ATP2A1: variants seen among roughly 807,000 people sequenced by gnomAD.
The protein encoded by ATP2A1 is ATPase sarcoplasmic/endoplasmic reticulum Ca2+ transporting 1, also known as sarcoplasmic/endoplasmic reticulum calcium ATPase 1.
In ATP2A1, 83 loss-of-function variants were observed where a neutral mutation model predicts 109.5. The observed-to-expected ratio is 0.76, with a 90% CI of 0.63 to 0.91. ATP2A1 has a LOEUF of 0.91. Among genes scored for constraint, ATP2A1 ranks in the 40% least tolerant of loss-of-function variants. The probability of loss-of-function intolerance (pLI) is 0.00; values close to 1 mark genes in which losing one functional copy is unlikely to be tolerated. For synonymous variants in ATP2A1, 505 were observed against 537.6 expected (o/e 0.94, Z 0.84); for missense variants, 1,101 against 1,341.0 (o/e 0.82, Z 2.80).
At chr16:28,878,887 T>G in intron 1 of ATP2A1, 98 bp downstream of exon 1, 1 of 1,425,568 alleles carries the variant, frequency 7.0e-7, no homozygotes, top group Non-Finnish European at 9.9e-7. Flanking sequence ...CAGGGTTTCT[T>G]AAGGAAGAGC....
chr16:28,890,898 C>T (rs928387171), intron 9 of ATP2A1, among the ~76,000 whole-genome samples: 1 of 151,928 alleles, frequency 6.6e-6, no homozygotes, highest in Non-Finnish European at 1.5e-5. Context: ...GTTGACCAGG[C>T]TGGTCTCTTA....
At chr16:28,899,649 C>T (rs1477721398) in intron 14 of ATP2A1, among the ~76,000 whole-genome samples, 9 of 85,616 alleles carry the variant, frequency 1.1e-4, no homozygotes, top group Non-Finnish European at 1.8e-4. Context: ...CTGCGCCCGC[C>T]CCCCCCCCCC....
chr16:28,878,721 G>T lies in ATP2A1; in HGVS notation c.50G>T (p.Gly17Val). 2 of 1,612,548 alleles carry T rather than the reference G, an allele frequency of 1.2e-6. No individual in the cohort carries two copies. Among genetic ancestry groups the T allele is most frequent in the East Asian group, 4.5e-5 (2 of 44,880 alleles). Residue 17 changes from glycine to valine, a missense_variant, in exon 1 of 23, where the codon GGG becomes GTG. Gly to Val is a moderately radical substitution (Grantham distance 109). Coordinates refer to ENST00000395503, the MANE Select transcript of ATP2A1 (RefSeq NM_004320.6). Reference sequence around the variant, plus strand: ...ACGGAGGAATGTTTGGCCTATTTTGGGGTGAGTGAGACCACGGGCCTCACC... The same window carrying T: ...ACGGAGGAATGTTTGGCCTATTTTGTGGTGAGTGAGACCACGGGCCTCACC... ...KTTEECLAYF[G>V]VSETTGLTPD...
intron 7 of ATP2A1, 24 bp downstream of exon 7, chr16:28,887,298 C>T (rs756872017): frequency 3.7e-6 from 6 of 1,613,792 alleles, no homozygotes; most frequent in Non-Finnish European, 4.2e-6. Flanking sequence ...GACCAGCCAT[C>T]ACACACTCAG....
rs2152209789 is a variant in ATP2A1 at position 28,895,025 on chromosome 16, C to T, written c.1419+72C>T. On this transcript the variant is annotated intron_variant, in intron 12 of 22. Transcript: ENST00000395503. ...GCATAGACTAGAGGAAGGCAGAGGCCCTGGTTGGGCAGAGCCTAGTGCCTG... is the reference window on the plus strand; with the variant it reads ...GCATAGACTAGAGGAAGGCAGAGGCTCTGGTTGGGCAGAGCCTAGTGCCTG... 3 of 1,595,872 alleles carry T rather than the reference C, an allele frequency of 1.9e-6. No individual in the cohort carries two copies. In the South Asian group the frequency reaches 3.3e-5, roughly 18 times the overall value.
In ATP2A1 at chr16:28,903,895, C is replaced by A; in HGVS notation, c.*37+154C>A. The stretch of plus-strand genomic sequence containing the variant: ...TGCTGCGCTTCCAGTCAGGGTGGGC[C>A]GCTGGCCTCCCACTGGGCGTCAGTT... On this transcript the variant is annotated intron_variant, in intron 22 of 22. Transcript: ENST00000395503. The surrounding 1 kb of genome is among the most constrained non-coding windows in gnomAD (Gnocchi z 5.6). 1 of 848,030 alleles carries A rather than the reference C, an allele frequency of 1.2e-6. No homozygotes were observed. The highest frequency in any genetic ancestry group is 2.0e-6 in the Non-Finnish European group (1 of 509,618). The allele number at this position is 848,030 out of a possible 1,614,324, so 52.5% of individuals were successfully genotyped here. A position where few individuals can be genotyped will look rare whatever the true frequency, so the allele number is the denominator to read the frequency against.
At position 28,902,863 on chromosome 16, in the gene ATP2A1, T is replaced by C; in HGVS notation, c.2696T>C (p.Met899Thr). The C allele has an allele frequency of 6.2e-7, 1 of 1,613,956 alleles. No individual in the cohort carries two copies. Among genetic ancestry groups the C allele is most frequent in the Non-Finnish European group, 8.5e-7 (1 of 1,179,948 alleles). Residue 899 changes from methionine to threonine, a missense_variant, in exon 19 of 23, where the codon ATG (methionine) becomes ACG (threonine). Met to Thr is a moderately conservative substitution (Grantham distance 81). Transcript: ENST00000395503. This position sits in a 1 kb window ranked among gnomAD's most constrained non-coding sequence, Gnocchi z 4.8. ...TTCGAGGCCCCCGAGCCCATGACCA[T>C]GGCCCTGTCCGTGCTGGTGACCATC... is the stretch of plus-strand genomic sequence containing the variant. Reference protein sequence around the residue: ...EVFEAPEPMTMALSVLVTIEM... With the variant: ...EVFEAPEPMTTALSVLVTIEM...
chr16:28,878,912 A>G (rs746917710), intron 1 of ATP2A1, 123 bp downstream of exon 1: 81 of 1,346,222 alleles, frequency 6.0e-5, no homozygotes, highest in Middle Eastern at 3.6e-4. Flanking sequence ...CCGTTGTCCA[A>G]TGCTCGCAGG....
In ATP2A1 at chr16:28,903,339, G is replaced by C. The variant is rs771772555; in HGVS notation, c.2879G>C (p.Arg960Pro). Residue 960 changes from arginine to proline, a missense_variant, in exon 21 of 23, where the codon CGG becomes CCG. Physicochemically the swap from Arg to Pro is moderately radical, Grantham distance 103. Transcript: ENST00000395503. This position sits in a 1 kb window ranked among gnomAD's most constrained non-coding sequence, Gnocchi z 5.6. ...CTGCCCCAGATGATCTTCAAGCTCC[G>C]GGCCCTGGACCTCACCCAGTGGCTC... The part of the protein sequence containing the change: ...VDPLPMIFKL[R>P]ALDLTQWLMV... The C allele has an allele frequency of 1.2e-6, 2 of 1,613,336 alleles. No individual in the cohort carries two copies. Among genetic ancestry groups the C allele is most frequent in the Admixed American group, 1.7e-5 (1 of 59,978 alleles).
intron 5 of ATP2A1, among the ~76,000 whole-genome samples, chr16:28,884,017 G>T (rs919286086): frequency 4.6e-5 from 7 of 151,878 alleles, no homozygotes; most frequent in African/African-American, 1.7e-4. Flanking sequence ...GGTTGCCCTC[G>T]ATTTTCTCAA....
intron 9 of ATP2A1, among the ~76,000 whole-genome samples, chr16:28,891,547 G>GCA (rs1963773643): frequency 7.1e-6 from 1 of 141,810 alleles, no homozygotes; most frequent in African/African-American, 2.7e-5. Context: ...CTGAGATCGT[G>GCA]CCATTGCACT....
Position 28,902,217 on chromosome 16 carries a change from G to C in ATP2A1, c.2355G>C (p.Glu785Asp), listed in dbSNP as rs1964096580. Reference sequence around the variant, plus strand: ...TGACCGCTGCCCTGGGGCTGCCTGAGGCCCTGATCCCGGTGCAGCTGCTAT... The same window carrying C: ...TGACCGCTGCCCTGGGGCTGCCTGACGCCCTGATCCCGGTGCAGCTGCTAT... Reference protein sequence around the residue: ...IFLTAALGLPEALIPVQLLWV... With the variant: ...IFLTAALGLPDALIPVQLLWV... The change falls in exon 17 of 23, where the codon GAG becomes GAC. Residue 785 changes from glutamate to aspartate, a missense_variant. By Grantham distance (45) the Glu-to-Asp change is conservative. Coordinates refer to ENST00000395503, the MANE Select transcript of ATP2A1 (RefSeq NM_004320.6). The surrounding 1 kb of genome is among the most constrained non-coding windows in gnomAD (Gnocchi z 4.8). 6.2e-7 allele frequency: 1 copy of C among 1,614,030 alleles called. No individual in the cohort carries two copies. Among genetic ancestry groups the C allele is most frequent in the Non-Finnish European group, 8.5e-7 (1 of 1,180,028 alleles).
Position 28,887,584 on chromosome 16 carries a change from A to T in ATP2A1, c.790A>T (p.Ile264Phe). The change falls in exon 8 of 23, where the codon ATC (isoleucine) becomes TTC (phenylalanine). Residue 264 changes from isoleucine (I) to phenylalanine (F), a missense_variant. Transcript: ENST00000395503. The stretch of plus-strand genomic sequence containing the variant: ...GTTTGGGGAGCAGCTCTCCAAGGTC[A>T]TCTCCCTCATCTGTGTGGCTGTCTG... ...DEFGEQLSKV[I>F]SLICVAVWLI... The T allele has an allele frequency of 6.2e-7, 1 of 1,613,846 alleles. No individual in the cohort carries two copies. The highest frequency in any genetic ancestry group is 8.5e-7 in the Non-Finnish European group (1 of 1,179,962).
At chr16:28,887,903 C>T (rs1185866509) in intron 8 of ATP2A1, among the ~76,000 whole-genome samples, 181 bp downstream of exon 8, 2 of 152,214 alleles carry the variant, frequency 1.3e-5, no homozygotes, top group Non-Finnish European at 2.9e-5. Context: ...CGGGTTCACG[C>T]CATTCTCCTG....
chr16:28,894,214 C>T lies in ATP2A1; in HGVS notation c.1155C>T (p.Thr385=), dbSNP rs142026039. The T allele has an allele frequency of 6.8e-6, 11 of 1,613,994 alleles. No homozygotes were observed. The highest frequency in any genetic ancestry group is 1.7e-4 in the Middle Eastern group (1 of 6,060). The change falls in exon 10 of 23, where the codon ACC becomes ACT. Residue 385 remains threonine, a synonymous_variant. Coordinates refer to ENST00000395503, the MANE Select transcript of ATP2A1 (RefSeq NM_004320.6). ...GCCTCCTGAATGAGTTCTCCATCAC[C>T]GGCTCCACTTACGCTCCAGAGGGAG... is the stretch of plus-strand genomic sequence containing the variant. ...DICLLNEFSI[T]GSTYAPEGEV...
At chr16:28,894,991 C>T in intron 12 of ATP2A1, 38 bp downstream of exon 12, 1 of 1,606,968 alleles carries the variant, frequency 6.2e-7, no homozygotes, top group Non-Finnish European at 8.5e-7. Flanking sequence ...GCCGTCTCCA[C>T]TCTATGCTGC....
chr16:28,880,847 G>C lies in ATP2A1; in HGVS notation c.220-68G>C. 6.9e-7 allele frequency: 1 copy of C among 1,446,498 alleles called. No homozygotes were observed. The highest frequency in any genetic ancestry group is 9.7e-7 in the Non-Finnish European group (1 of 1,027,700). The allele number at this position is 1,446,498 out of a possible 1,614,324, so 89.6% of individuals were successfully genotyped here. A position where few individuals can be genotyped will look rare whatever the true frequency, so the allele number is the denominator to read the frequency against. On this transcript the variant is annotated intron_variant, in intron 3 of 22. Coordinates refer to ENST00000395503, the MANE Select transcript of ATP2A1 (RefSeq NM_004320.6). This position sits in a 1 kb window ranked among gnomAD's most constrained non-coding sequence, Gnocchi z 4.2. The stretch of plus-strand genomic sequence containing the variant: ...CTGCACAGTTCTCCCCTTTGCAGTG[G>C]TCCACTTCCTTTCTCCATCTGTTTT...
At chr16:28,888,734 C>T in intron 8 of ATP2A1, 53 bp from the exon 9 acceptor site, 1 of 1,594,126 alleles carries the variant, frequency 6.3e-7, no homozygotes, top group South Asian at 1.1e-5. Flanking sequence ...CTTGCAGGTT[C>T]CCTCACACCC....
chr16:28,897,572 G>A (rs192475181), intron 12 of ATP2A1, among the ~76,000 whole-genome samples: 113 of 152,018 alleles, frequency 7.4e-4, no homozygotes, highest in Non-Finnish European at 1.5e-4. Flanking sequence ...ACGGAGTCTC[G>A]CTTTGTCGCC....
Sources: allele counts gnomAD v4.1 joint callset (sites outside exome capture counted in the v4.1 genomes callset), GRCh38; gene constraint gnomAD v4.1.1; non-coding constraint Gnocchi (gnomAD v3.1); transcripts MANE v1.5; gene names NCBI Gene and HGNC (gene_info 2026-07-23, HGNC 2026-07-21).